DRC8: variants seen among roughly 807,000 people sequenced by gnomAD.
DRC8 encodes the protein dynein regulatory complex protein 8.
the DRC8 span, among the ~76,000 whole-genome samples, chr1:245,025,892 T>C: frequency 2.0e-5 from 3 of 152,272 alleles, no homozygotes; most frequent in Non-Finnish European, 4.4e-5. Flanking sequence ...GTGCCTCTGC[T>C]CCTCCTTCGC....
the DRC8 span, among the ~76,000 whole-genome samples, chr1:245,029,418 C>G: frequency 6.6e-6 from 1 of 152,168 alleles, no homozygotes. Flanking sequence ...TTGCCTCAGC[C>G]TCCCAAGTAG....
the DRC8 span, among the ~76,000 whole-genome samples, chr1:245,113,608 C>G: frequency 3.9e-5 from 6 of 152,036 alleles, no homozygotes; most frequent in Non-Finnish European, 5.9e-5. Flanking sequence ...TAATATGCCA[C>G]TTATGATCAT....
the DRC8 span, among the ~76,000 whole-genome samples, chr1:244,983,137 G>A: frequency 1.3e-5 from 2 of 152,166 alleles, no homozygotes; most frequent in African/African-American, 4.8e-5. Flanking sequence ...GTAATCTGGA[G>A]TGAGGGGGTC....
the DRC8 span, among the ~76,000 whole-genome samples, chr1:245,024,359 GTCAAAGGGCT>G: frequency 2.6e-5 from 4 of 152,062 alleles, no homozygotes; most frequent in African/African-American, 7.2e-5. Flanking sequence ...TTGGAAATAT[GTCAAAGGGCT>G]TGACAATTTT....
chr1:244,990,076 G>T, the DRC8 span, among the ~76,000 whole-genome samples: 2 of 152,114 alleles, frequency 1.3e-5, no homozygotes, highest in African/African-American at 2.4e-5. Context: ...GTCATGGCTC[G>T]GGATGACCCG....
the DRC8 span, chr1:245,091,223 G>A: frequency 2.0e-5 from 3 of 152,398 alleles, no homozygotes; most frequent in African/African-American, 7.2e-5. Context: ...GGAACACATT[G>A]CAGCGGGGAA....
chr1:244,970,610 C>A, the DRC8 span: 1 of 757,278 alleles, frequency 1.3e-6, no homozygotes, highest in Non-Finnish European at 1.9e-6. Context: ...GCCCTGCCCC[C>A]GTCCCCGTAG....
chr1:245,120,036 G>A, the DRC8 span, among the ~76,000 whole-genome samples: 1 of 152,298 alleles, frequency 6.6e-6, no homozygotes, highest in East Asian at 1.9e-4. Flanking sequence ...TGGCCATTTA[G>A]TTAAAATAAG....
At chr1:244,970,258 G>C in the DRC8 span, 70 of 738,274 alleles carry the variant, frequency 9.5e-5, 2 homozygotes, top group South Asian at 1.0e-3. Flanking sequence ...GCGCGCGCTC[G>C]GAGCCTCCTC....
chr1:245,045,695 G>T, the DRC8 span, among the ~76,000 whole-genome samples: 1 of 152,066 alleles, frequency 6.6e-6, no homozygotes, highest in African/African-American at 2.4e-5. Flanking sequence ...AGAGGCTAGG[G>T]TGAAGTTACA....
At chr1:245,124,584 G>A in the DRC8 span, 4 of 152,246 alleles carry the variant, frequency 2.6e-5, no homozygotes, top group South Asian at 2.1e-4. Context: ...TTGCATCCCC[G>A]TTGTTCCTAT....
the DRC8 span, among the ~76,000 whole-genome samples, chr1:244,996,334 C>T: frequency 6.6e-6 from 1 of 152,012 alleles, no homozygotes; most frequent in Admixed American, 6.6e-5. Context: ...TGTGCTGTTA[C>T]TTCTGCCATA....
chr1:245,008,016 A>G, the DRC8 span, among the ~76,000 whole-genome samples: 2 of 152,096 alleles, frequency 1.3e-5, no homozygotes. Flanking sequence ...GAAAACAAAA[A>G]TTAAAAAAAA....
the DRC8 span, chr1:245,082,106 A>T: frequency 1.9e-5 from 30 of 1,612,388 alleles, 1 homozygote; most frequent in South Asian, 3.2e-4. Flanking sequence ...AACCCACTGG[A>T]TACATTCGAT....
At chr1:244,986,388 C>A in the DRC8 span, among the ~76,000 whole-genome samples, 1 of 152,148 alleles carries the variant, frequency 6.6e-6, no homozygotes, top group Admixed American at 6.5e-5. Flanking sequence ...AGAGGAGTTG[C>A]ACGAGGCTCC....
the DRC8 span, among the ~76,000 whole-genome samples, chr1:245,093,058 GGA>G: frequency 6.6e-6 from 1 of 152,126 alleles, no homozygotes; most frequent in Non-Finnish European, 1.5e-5. Context: ...AGGCAGAGAG[GGA>G]GAGAGAAAAA....
chr1:245,084,189 C>G, the DRC8 span, among the ~76,000 whole-genome samples: 2 of 147,234 alleles, frequency 1.4e-5, no homozygotes, highest in Non-Finnish European at 3.0e-5. Context: ...TCAAGTGATT[C>G]TCCTGCCTCA....
At chr1:245,054,813 C>T in the DRC8 span, among the ~76,000 whole-genome samples, 2 of 152,184 alleles carry the variant, frequency 1.3e-5, no homozygotes, top group Admixed American at 1.3e-4. Flanking sequence ...TTTGATTTTA[C>T]CCCACTTGTA....
the DRC8 span, among the ~76,000 whole-genome samples, chr1:245,120,933 C>T: frequency 6.6e-6 from 1 of 152,230 alleles, no homozygotes; most frequent in African/African-American, 2.4e-5. Context: ...TTTACAAAGA[C>T]CGGACAGTGG....
Sources: allele counts gnomAD v4.1 joint callset (sites outside exome capture counted in the v4.1 genomes callset), GRCh38; gene constraint gnomAD v4.1.1; transcripts MANE v1.5; gene names NCBI Gene and HGNC (gene_info 2026-07-23, HGNC 2026-07-21).